UNC5D: variants seen among roughly 807,000 people sequenced by gnomAD.
The protein encoded by UNC5D is netrin receptor UNC5D.
In UNC5D, 39 loss-of-function variants were observed where a neutral mutation model predicts 105.4. The observed-to-expected ratio is 0.37, with a 90% CI of 0.29 to 0.48. The LOEUF is 0.48. UNC5D is among the 20% of genes least tolerant of loss of function. The pLI, the probability that UNC5D is intolerant of heterozygous loss-of-function variation, is 0.98. For missense variants in UNC5D, 991 were observed against 1,202.4 expected, an observed-to-expected ratio of 0.82 and a Z score of 2.60; for synonymous variants, 452 against 450.4, an observed-to-expected ratio of 1.00 and a Z score of -0.04.
chr8:35,295,904 T>A (rs887751756), intron 1 of UNC5D, among the ~76,000 whole-genome samples: 2 of 152,212 alleles, frequency 1.3e-5, no homozygotes, highest in African/African-American at 4.8e-5. Flanking sequence ...AGATTCTACA[T>A]GTAAGTAGGA....
chr8:35,743,265 T>C (rs1237185880), intron 11 of UNC5D, among the ~76,000 whole-genome samples: 1 of 152,150 alleles, frequency 6.6e-6, no homozygotes, highest in African/African-American at 2.4e-5. Flanking sequence ...ATTCATTTTT[T>C]ATTTTTATTT....
chr8:35,349,907 G>C (rs1242351668), intron 1 of UNC5D, among the ~76,000 whole-genome samples: 1 of 152,012 alleles, frequency 6.6e-6, no homozygotes, highest in Non-Finnish European at 1.5e-5. Flanking sequence ...AGGATACAGT[G>C]ATTAATAAAG....
chr8:35,497,102 A>G (rs955757340), intron 1 of UNC5D, among the ~76,000 whole-genome samples: 1 of 152,178 alleles, frequency 6.6e-6, no homozygotes, highest in Non-Finnish European at 1.5e-5. Flanking sequence ...GTGTATTTTT[A>G]TGCTAGGTTT....
At chr8:35,731,359 C>CCA (rs1265332758) in intron 11 of UNC5D, among the ~76,000 whole-genome samples, 2 of 139,560 alleles carry the variant, frequency 1.4e-5, no homozygotes, top group African/African-American at 5.6e-5. Context: ...CAAGATCGTG[C>CCA]CACTGCACTT....
intron 7 of UNC5D, among the ~76,000 whole-genome samples, chr8:35,704,009 A>G (rs1397031105): frequency 6.6e-6 from 1 of 152,216 alleles, no homozygotes; most frequent in Non-Finnish European, 1.5e-5. Context: ...TAGTACCGTC[A>G]CATCTGTTCA....
At chr8:35,717,719 T>G (rs915041626) in intron 8 of UNC5D, among the ~76,000 whole-genome samples, 5 of 152,202 alleles carry the variant, frequency 3.3e-5, no homozygotes, top group African/African-American at 7.2e-5. Context: ...GAGTCCCAAC[T>G]GCTATAATAA....
intron 1 of UNC5D, among the ~76,000 whole-genome samples, chr8:35,245,545 G>A (rs1803040485): frequency 2.6e-5 from 4 of 152,036 alleles, no homozygotes; most frequent in African/African-American, 9.7e-5. Flanking sequence ...GTGTGTGGGA[G>A]GGATATAAGG....
intron 4 of UNC5D, among the ~76,000 whole-genome samples, chr8:35,655,364 G>A (rs547904682): frequency 6.6e-6 from 1 of 152,320 alleles, no homozygotes; most frequent in African/African-American, 2.4e-5. Flanking sequence ...ACGACGCTAG[G>A]TAGATGCCCT....
intron 1 of UNC5D, among the ~76,000 whole-genome samples, chr8:35,526,032 G>A (rs1195474243): frequency 6.6e-6 from 1 of 152,184 alleles, no homozygotes; most frequent in African/African-American, 2.4e-5. Flanking sequence ...TCACTGCAGT[G>A]TGACACTGGC....
intron 1 of UNC5D, among the ~76,000 whole-genome samples, chr8:35,330,004 A>AG (rs1346147848): frequency 6.6e-6 from 1 of 152,166 alleles, no homozygotes; most frequent in Admixed American, 6.6e-5. Flanking sequence ...TGACCCTGTG[A>AG]GGTAGGTGTG....
intron 1 of UNC5D, among the ~76,000 whole-genome samples, chr8:35,520,223 G>T: frequency 6.6e-6 from 1 of 152,096 alleles, no homozygotes; most frequent in Non-Finnish European, 1.5e-5. Flanking sequence ...AATATTATTT[G>T]TCAATATAAA....
chr8:35,595,238 C>T (rs1439096650), intron 3 of UNC5D, among the ~76,000 whole-genome samples: 2 of 152,142 alleles, frequency 1.3e-5, no homozygotes, highest in Non-Finnish European at 2.9e-5. Flanking sequence ...TCATCAGATG[C>T]TCAGCAGATA....
At chr8:35,447,266 A>T (rs1299784040) in intron 1 of UNC5D, among the ~76,000 whole-genome samples, 2 of 152,082 alleles carry the variant, frequency 1.3e-5, no homozygotes, top group South Asian at 4.1e-4. Context: ...ATATGTACTA[A>T]AATTCTTATT....
chr8:35,331,586 A>T (rs564653876), intron 1 of UNC5D, among the ~76,000 whole-genome samples: 1 of 152,292 alleles, frequency 6.6e-6, no homozygotes, highest in African/African-American at 2.4e-5. Flanking sequence ...GTCAGCAGTC[A>T]GTCTTGCTAG....
At chr8:35,516,695 G>A (rs1813121181) in intron 1 of UNC5D, among the ~76,000 whole-genome samples, 1 of 152,104 alleles carries the variant, frequency 6.6e-6, no homozygotes, top group Admixed American at 6.5e-5. Flanking sequence ...CTCAGTCTCT[G>A]GGTTCCTTCT....
intron 1 of UNC5D, among the ~76,000 whole-genome samples, chr8:35,517,169 C>G (rs1256863921): frequency 6.6e-6 from 1 of 152,132 alleles, no homozygotes; most frequent in Admixed American, 6.5e-5. Flanking sequence ...CTCCCCTCCC[C>G]AAAGCCACAT....
chr8:35,646,797 T>C (rs1037560565), intron 4 of UNC5D, among the ~76,000 whole-genome samples: 2 of 152,146 alleles, frequency 1.3e-5, no homozygotes, highest in African/African-American at 4.8e-5. Flanking sequence ...AAAAGAGCAG[T>C]ATTAATTTTG....
chr8:35,335,508 T>C (rs937326888), intron 1 of UNC5D, among the ~76,000 whole-genome samples: 1 of 152,248 alleles, frequency 6.6e-6, no homozygotes, highest in Non-Finnish European at 1.5e-5. Flanking sequence ...ATCTTAACTA[T>C]GTTTTTGTTA....
intron 1 of UNC5D, among the ~76,000 whole-genome samples, chr8:35,387,923 G>C (rs1803509944): frequency 6.6e-6 from 1 of 152,162 alleles, no homozygotes; most frequent in Non-Finnish European, 1.5e-5. Flanking sequence ...TTTTCTGAAA[G>C]GGAAAATTGA....
Sources: allele counts gnomAD v4.1 joint callset (sites outside exome capture counted in the v4.1 genomes callset), GRCh38; gene constraint gnomAD v4.1.1; transcripts MANE v1.5; gene names NCBI Gene and HGNC (gene_info 2026-07-23, HGNC 2026-07-21).